The following FSHR variants were observed in gnomAD, a reference collection of about 807,000 sequenced individuals.
The protein encoded by FSHR is follicle-stimulating hormone receptor.
In FSHR, 46 loss-of-function variants were observed where a neutral mutation model predicts 52.1. The observed-to-expected ratio is 0.88, with a 90% CI of 0.70 to 1.13. FSHR has a LOEUF of 1.13. Among genes scored for constraint, FSHR ranks in the 50% most tolerant of loss-of-function variants. FSHR has a pLI of 0.00. For missense variants in FSHR, 964 were observed against 834.6 expected (o/e 1.16, Z -1.91); for synonymous variants, 399 against 309.6 (o/e 1.29, Z -3.03).
chr2:49,068,394 G>T, intron 1 of FSHR, 104 bp from the exon 2 acceptor site: 1 of 942,994 alleles, frequency 1.1e-6, no homozygotes, highest in Non-Finnish European at 1.7e-6. Flanking sequence ...CTAAGTGCTT[G>T]CCATAAAGTA....
At chr2:49,061,000 TC>T (rs756525494) in intron 2 of FSHR, among the ~76,000 whole-genome samples, 1 of 152,070 alleles carries the variant, frequency 6.6e-6, no homozygotes, top group African/African-American at 2.4e-5. Context: ...TCAAATTGCA[TC>T]CATACCTTTC....
intron 2 of FSHR, among the ~76,000 whole-genome samples, chr2:49,063,432 CTATA>C (rs34150512): frequency 2.7e-5 from 4 of 149,036 alleles, no homozygotes; most frequent in South Asian, 2.1e-4. Flanking sequence ...AAAGAAAATG[CTATA>C]TATATATATA....
At position 49,068,122 on chromosome 2, in the gene FSHR, T is replaced by G. The variant is rs142207673; in HGVS notation, c.224+97A>C. 5.5e-6 allele frequency: 5 copies of G among 908,422 alleles called. No individual in the cohort carries two copies. The African/African-American group carries it at 8.3e-5, about 15-fold the overall frequency. The allele number at this position is 908,422 out of a possible 1,614,324, so 56.3% of individuals were successfully genotyped here. ...AGAAAGTTTGGCTGACCATGTCAGT[T>G]CGGCTACTAAGTGCAGATAGTCATA... On this transcript the variant is annotated intron_variant, in intron 2 of 9. Coordinates refer to ENST00000406846, the MANE Select transcript of FSHR (RefSeq NM_000145.4).
intron 8 of FSHR, among the ~76,000 whole-genome samples, chr2:48,978,245 T>C (rs1559089316): frequency 6.6e-6 from 1 of 152,186 alleles, no homozygotes; most frequent in Non-Finnish European, 1.5e-5. Context: ...TGCCACAAAT[T>C]TGATTTGAAC....
chr2:49,005,524 T>C (rs1667047375), intron 4 of FSHR, among the ~76,000 whole-genome samples: 1 of 152,132 alleles, frequency 6.6e-6, no homozygotes. Flanking sequence ...GCATAAGATG[T>C]CTGGATTCTC....
chr2:49,145,384 A>G (rs1672834846), intron 1 of FSHR, among the ~76,000 whole-genome samples: 1 of 152,128 alleles, frequency 6.6e-6, no homozygotes, highest in South Asian at 2.1e-4. Context: ...TATAAAATAA[A>G]ACAAGGATTT....
chr2:49,078,436 A>T lies in FSHR; in HGVS notation c.153-10146T>A, dbSNP rs148449842. Among the ~76,000 whole-genome samples, 641 of 152,314 alleles carry T rather than the reference A, an allele frequency of 4.2e-3. 5 individuals carry two copies. Among genetic ancestry groups the T allele is most frequent in the African/African-American group, 0.015 (607 of 41,558 alleles). On this transcript the variant is annotated intron_variant, in intron 1 of 9. Transcript: ENST00000406846. Reference sequence around the variant, plus strand: ...GAAGTAATGCTCTCCAACCCTTTTTATGTGGTTAGTGTAACATTGGTAACA... The same window carrying T: ...GAAGTAATGCTCTCCAACCCTTTTTTTGTGGTTAGTGTAACATTGGTAACA...
intron 1 of FSHR, among the ~76,000 whole-genome samples, chr2:49,121,075 T>G (rs897561030): frequency 1.3e-5 from 2 of 152,190 alleles, no homozygotes; most frequent in Non-Finnish European, 2.9e-5. Flanking sequence ...AAAGAAAAAT[T>G]GCTAAACCAC....
intron 4 of FSHR, among the ~76,000 whole-genome samples, chr2:48,991,155 T>A (rs1020579767): frequency 5.9e-5 from 9 of 152,118 alleles, no homozygotes; most frequent in African/African-American, 2.2e-4. Flanking sequence ...GTCATTACCC[T>A]TACGAGATGG....
At chr2:49,149,748 G>A (rs986469815) in intron 1 of FSHR, among the ~76,000 whole-genome samples, 10 of 151,670 alleles carry the variant, frequency 6.6e-5, no homozygotes, top group Non-Finnish European at 1.5e-5. Flanking sequence ...ATCTAAACCA[G>A]GATGAAAAAA....
chr2:49,136,078 CT>C (rs1436734389), intron 1 of FSHR, among the ~76,000 whole-genome samples: 1 of 151,542 alleles, frequency 6.6e-6, no homozygotes. Flanking sequence ...ACTCCCAAAG[CT>C]AGTTCTTTGA....
chr2:48,995,327 C>G (rs1190835492), intron 4 of FSHR, among the ~76,000 whole-genome samples: 1 of 151,962 alleles, frequency 6.6e-6, no homozygotes, highest in East Asian at 1.9e-4. Context: ...TTTATGAGTT[C>G]AGGGAAGGGG....
chr2:49,108,693 CT>C lies in FSHR; in HGVS notation c.153-40404del, dbSNP rs1671322405. Among the ~76,000 whole-genome samples the C allele has an allele frequency of 2.6e-5, 4 of 152,210 alleles. 1 individual carries two copies. In the South Asian group the frequency reaches 8.3e-4, roughly 32 times the overall value. On this transcript the variant is annotated intron_variant, in intron 1 of 9. Transcript: ENST00000406846. ...TGTTTGTAAAGGGAGAATAAAGAGA[CT>C]TGCATTAGTGCAGGGTGGCTTTTGA...
intron 1 of FSHR, among the ~76,000 whole-genome samples, chr2:49,080,549 A>G (rs1197058724): frequency 1.3e-5 from 2 of 152,228 alleles, no homozygotes; most frequent in Non-Finnish European, 2.9e-5. Flanking sequence ...CAGCTGGAAA[A>G]ATTTCCAAAG....
Position 48,968,881 on chromosome 2 carries a change from T to G in FSHR, c.671A>C (p.Asp224Ala). ...FHGASGPVIL[D>A]ISRTRIHSLP... The stretch of plus-strand genomic sequence containing the variant: ...GGAATGGATCCTTGTTCTTGAAATA[T>G]CTCTATAAAGAGAAAAGGTAAATAT... The change falls in exon 9 of 10, where the codon GAT (aspartate) becomes GCT (alanine). Residue 224 changes from aspartate to alanine, a missense_variant and splice_region_variant. Coordinates refer to ENST00000406846, the MANE Select transcript of FSHR (RefSeq NM_000145.4). The G allele has an allele frequency of 6.2e-7, 1 of 1,613,144 alleles. No homozygotes were observed. Among genetic ancestry groups the G allele is most frequent in the Non-Finnish European group, 8.5e-7 (1 of 1,179,758 alleles).
At position 49,069,071 on chromosome 2, in the gene FSHR, C is replaced by G. The variant is rs138220084; in HGVS notation, c.153-781G>C. Among the ~76,000 whole-genome samples, 422 of 152,170 alleles carry G rather than the reference C, an allele frequency of 2.8e-3. 5 individuals carry two copies. Among genetic ancestry groups the G allele is most frequent in the African/African-American group, 9.1e-3 (378 of 41,524 alleles). ...TCTTCTGCTCGAAATAATTGTCTCA[C>G]GCTTGCCTCAAAATTCCTTCCAATG... On this transcript the variant is annotated intron_variant, in intron 1 of 9. Coordinates refer to ENST00000406846, the MANE Select transcript of FSHR (RefSeq NM_000145.4).
rs1172552062 is a variant in FSHR, at chr2:48,990,444, C to G, written c.446+122G>C. On this transcript the variant is annotated intron_variant, in intron 5 of 9. Transcript: ENST00000406846. ...CTCACTTCTGGCCTCCCTATCTTTG[C>G]TAACCCAGAGCAATACATTTGGAGG... 3 of 768,628 alleles carry G rather than the reference C, an allele frequency of 3.9e-6. No individual in the cohort carries two copies. In the African/African-American group the frequency reaches 5.1e-5, roughly 13 times the overall value. 47.6% of individuals were successfully genotyped at this position (768,628 alleles called of 1,614,324 possible). A position where few individuals can be genotyped will look rare whatever the true frequency, so the allele number is the denominator to read the frequency against.
intron 1 of FSHR, among the ~76,000 whole-genome samples, chr2:49,127,242 C>T (rs1006724675): frequency 3.3e-5 from 5 of 151,594 alleles, no homozygotes; most frequent in African/African-American, 1.2e-4. Flanking sequence ...GCAGGAGAAT[C>T]GCTTGAACCT....
chr2:49,116,274 T>A (rs1019700295), intron 1 of FSHR, among the ~76,000 whole-genome samples: 2 of 152,166 alleles, frequency 1.3e-5, no homozygotes, highest in African/African-American at 4.8e-5. Context: ...ACTAAAGTCA[T>A]CAAACTTGAG....
Sources: gnomAD v4.1 joint callset for allele counts (sites outside exome capture counted in the v4.1 genomes callset) on GRCh38, gnomAD v4.1.1 for gene constraint, MANE v1.5 for transcripts, NCBI Gene and HGNC (gene_info 2026-07-23, HGNC 2026-07-21) for gene names.